The following SORBS2 variants were observed in gnomAD, a reference collection of about 807,000 sequenced individuals.
The protein encoded by SORBS2 is sorbin and SH3 domain containing 2.
SORBS2 carries 46 observed loss-of-function variants against 97.7 expected under a neutral mutation model. The ratio of observed to expected loss-of-function variants is 0.47; its 90% CI spans 0.37 to 0.60. The LOEUF (loss-of-function observed/expected upper bound fraction) is 0.60, where lower values mean the gene tolerates loss of function less well. Ranked by LOEUF, SORBS2 falls within the 20% of genes least tolerant of loss-of-function variation. The pLI, the probability that SORBS2 is intolerant of heterozygous loss-of-function variation, is 0.00. For missense variants in SORBS2, 1,316 were observed against 1,282.3 expected (o/e 1.03, Z -0.40); for synonymous variants, 476 against 473.4 (o/e 1.01, Z -0.07).
intron 1 of SORBS2, among the ~76,000 whole-genome samples, chr4:185,783,891 A>G (rs1324783024): frequency 6.6e-6 from 1 of 152,146 alleles, no homozygotes; most frequent in Non-Finnish European, 1.5e-5. Flanking sequence ...CACTATTCCC[A>G]TATTCATTAC....
chr4:185,746,298 T>G, intron 2 of SORBS2, among the ~76,000 whole-genome samples: 1 of 152,124 alleles, frequency 6.6e-6, no homozygotes, highest in East Asian at 1.9e-4. Flanking sequence ...CTCTCTTATC[T>G]GGTTAGAGTT....
chr4:185,760,539 G>A (rs2098874567), intron 2 of SORBS2, among the ~76,000 whole-genome samples: 1 of 152,120 alleles, frequency 6.6e-6, no homozygotes, highest in African/African-American at 2.4e-5. Context: ...CTCCAGCCTG[G>A]GCAACAAGAG....
At chr4:185,792,452 C>T (rs1459829166) in intron 1 of SORBS2, among the ~76,000 whole-genome samples, 1 of 151,704 alleles carries the variant, frequency 6.6e-6, no homozygotes, top group Non-Finnish European at 1.5e-5. Flanking sequence ...TGAGATCATG[C>T]CACTGCACTC....
At position 185,734,098 on chromosome 4, in the gene SORBS2, C is replaced by A. The variant is rs1379944595; in HGVS notation, c.-198+41129G>T. 6.6e-6 allele frequency: 1 copy of A among 152,588 alleles called. No homozygotes were observed. The highest frequency in any genetic ancestry group is 1.5e-5 in the Non-Finnish European group (1 of 68,044). 9.5% of individuals were successfully genotyped at this position (152,588 alleles called of 1,614,324 possible). On this transcript the variant is annotated intron_variant, in intron 2 of 20. Transcript: ENST00000284776. ...GGCGGTTTCCCGTGAGGACAGCGTA[C>A]CTTCTGAAGAAATGCACCCAGATCA...
chr4:185,650,832 G>C (rs2097301005), intron 2 of SORBS2, among the ~76,000 whole-genome samples: 1 of 152,118 alleles, frequency 6.6e-6, no homozygotes, highest in Non-Finnish European at 1.5e-5. Context: ...CTATCAGTGG[G>C]GCGAGCCAAG....
intron 1 of SORBS2, among the ~76,000 whole-genome samples, chr4:185,852,784 T>C (rs1020720069): frequency 3.3e-5 from 5 of 152,132 alleles, no homozygotes; most frequent in Non-Finnish European, 5.9e-5. Flanking sequence ...AACCATGGTG[T>C]CTGGGAAGAG....
At chr4:185,601,984 T>C (rs1436412792) in intron 12 of SORBS2, among the ~76,000 whole-genome samples, 1 of 152,192 alleles carries the variant, frequency 6.6e-6, no homozygotes, top group East Asian at 1.9e-4. Flanking sequence ...CGGATGGAAA[T>C]GGAGGCTCAG....
At chr4:185,650,815 C>A (rs1470125020) in intron 2 of SORBS2, among the ~76,000 whole-genome samples, 1 of 152,214 alleles carries the variant, frequency 6.6e-6, no homozygotes, top group Admixed American at 6.5e-5. Context: ...TCTTTGTGGG[C>A]CTGAAGCTAT....
In SORBS2 at chr4:185,623,835, C is replaced by A; in HGVS notation, c.1294G>T (p.Asp432Tyr). Reference sequence around the variant, plus strand: ...AGGGTTACGGGAGACAGCATGTCATCCCCTAAATTTGGCATGGATTTGGAC... The same window carrying A: ...AGGGTTACGGGAGACAGCATGTCATACCCTAAATTTGGCATGGATTTGGAC... The change falls in exon 7 of 15, where the codon GAT becomes TAT. Residue 432 changes from aspartate (D) to tyrosine (Y), a missense_variant. Physicochemically the swap from Asp to Tyr is radical, Grantham distance 160. Coordinates refer to ENST00000418609, the Ensembl canonical transcript of SORBS2. The surrounding 1 kb of genome is among the most constrained non-coding windows in gnomAD (Gnocchi z 6.4). 1 of 1,614,188 alleles carries A rather than the reference C, an allele frequency of 6.2e-7. No individual in the cohort carries two copies. The highest frequency in any genetic ancestry group is 8.5e-7 in the Non-Finnish European group (1 of 1,180,038).
intron 1 of SORBS2, among the ~76,000 whole-genome samples, chr4:185,814,780 C>T (rs907356224): frequency 6.6e-6 from 1 of 152,232 alleles, no homozygotes; most frequent in Non-Finnish European, 1.5e-5. Context: ...CTCCCGGCAT[C>T]TCTACTGGCC....
chr4:185,634,748 T>C (rs1004789845), intron 4 of SORBS2, among the ~76,000 whole-genome samples: 4 of 152,172 alleles, frequency 2.6e-5, no homozygotes, highest in Admixed American at 6.5e-5. Context: ...TCATTTTATA[T>C]GCCAATGATA....
chr4:185,674,544 G>C (rs1360822445), intron 4 of SORBS2, among the ~76,000 whole-genome samples: 2 of 152,042 alleles, frequency 1.3e-5, no homozygotes, highest in African/African-American at 4.8e-5. Flanking sequence ...AAAATATAAG[G>C]GAAATAATAA....
chr4:185,732,594 C>T (rs528496594), intron 2 of SORBS2, among the ~76,000 whole-genome samples: 1 of 152,286 alleles, frequency 6.6e-6, no homozygotes, highest in South Asian at 2.1e-4. Flanking sequence ...TGGGTCAGTT[C>T]TGCAGATGTG....
At chr4:185,721,156 C>A (rs1477175126) in intron 2 of SORBS2, among the ~76,000 whole-genome samples, 2 of 141,136 alleles carry the variant, frequency 1.4e-5, no homozygotes, top group Middle Eastern at 4.0e-3. Context: ...CTCACTGCAA[C>A]CTCTGCCTCT....
At chr4:185,936,332 T>C (rs554029013) in intron 1 of SORBS2, among the ~76,000 whole-genome samples, 268 of 152,368 alleles carry the variant, frequency 1.8e-3, no homozygotes, top group Non-Finnish European at 3.1e-3. Context: ...CAAATATTTA[T>C]TGATGGCCAA....
At chr4:185,614,545 C>T in intron 11 of SORBS2, 1 of 336,738 alleles carries the variant, frequency 3.0e-6, no homozygotes, top group South Asian at 5.9e-5. Flanking sequence ...TTTTGTGCTC[C>T]CGAATGTATA....
In SORBS2 at chr4:185,588,905, G is replaced by A. The variant is rs931842235; in HGVS notation, c.2953+774C>T. On this transcript the variant is annotated intron_variant, in intron 14 of 14. Transcript: ENST00000418609. ...GCTAGAATTACAGGCATGAGCCACCGCACCCGGCCTTTTTTTCTTCTTTTA... is the reference window on the plus strand; with the variant it reads ...GCTAGAATTACAGGCATGAGCCACCACACCCGGCCTTTTTTTCTTCTTTTA... 3.3e-5 allele frequency among the ~76,000 whole-genome samples: 5 copies of A among 152,132 alleles called. No individual in the cohort carries two copies. The South Asian group carries it at 8.3e-4, about 25-fold the overall frequency.
intron 4 of SORBS2, among the ~76,000 whole-genome samples, chr4:185,668,400 T>C (rs541173714): frequency 6.6e-6 from 1 of 152,306 alleles, no homozygotes; most frequent in South Asian, 2.1e-4. Context: ...TGCACGTGTG[T>C]GTATGGGTGT....
chr4:185,613,037 G>A (rs1218906026), intron 11 of SORBS2, among the ~76,000 whole-genome samples: 1 of 152,184 alleles, frequency 6.6e-6, no homozygotes, highest in Non-Finnish European at 1.5e-5. Context: ...CACCTGCCAT[G>A]ACCGAGCCAG....
Sources: gnomAD v4.1 joint callset for allele counts (sites outside exome capture counted in the v4.1 genomes callset) on GRCh38, gnomAD v4.1.1 for gene constraint, Gnocchi (gnomAD v3.1) non-coding constraint, MANE v1.5 for transcripts, NCBI Gene and HGNC (gene_info 2026-07-23, HGNC 2026-07-21) for gene names.